The following GPATCH1 variants were observed in gnomAD, a reference collection of about 807,000 sequenced individuals.
GPATCH1 encodes the protein G patch domain-containing protein 1.
GPATCH1 carries 73 observed loss-of-function variants against 114.9 expected under a neutral mutation model. The ratio of observed to expected loss-of-function variants is 0.64; its 90% CI spans 0.53 to 0.77. The LOEUF (loss-of-function observed/expected upper bound fraction) is 0.77, where lower values mean the gene tolerates loss of function less well. GPATCH1 is among the 30% of genes least tolerant of loss of function. The pLI, the probability that GPATCH1 is intolerant of heterozygous loss-of-function variation, is 0.00. For synonymous variants in GPATCH1, 391 were observed against 428.4 expected (o/e 0.91, Z 1.08); for missense variants, 1,058 against 1,144.3 (o/e 0.92, Z 1.09).
At chr19:33,104,671 C>T (rs1041154838) in intron 9 of GPATCH1, among the ~76,000 whole-genome samples, 1 of 152,104 alleles carries the variant, frequency 6.6e-6, no homozygotes, top group African/African-American at 2.4e-5. Context: ...ATAGTTACAA[C>T]TCCTCAGGCG....
chr19:33,119,144 C>T (rs958212760), intron 17 of GPATCH1, 27 bp downstream of exon 17: 21 of 1,341,762 alleles, frequency 1.6e-5, no homozygotes, highest in African/African-American at 1.2e-4. Context: ...TTGGTTCGCC[C>T]ATTTTTATCA....
At chr19:33,081,484 AG>A (rs375427618) in intron 1 of GPATCH1, among the ~76,000 whole-genome samples, 148 of 152,270 alleles carry the variant, frequency 9.7e-4, no homozygotes, top group African/African-American at 3.4e-3. Context: ...TGGCCGAACA[AG>A]GGGGCGGCGA....
intron 3 of GPATCH1, 35 bp from the exon 4 acceptor site, chr19:33,093,324 C>G: frequency 6.7e-7 from 1 of 1,483,090 alleles, no homozygotes; most frequent in Non-Finnish European, 9.4e-7. Context: ...TAGTCACTTT[C>G]CAAATAATGT....
chr19:33,090,696 AAG>A (rs1002621830), intron 2 of GPATCH1, 82 bp from the exon 3 acceptor site: 1 of 793,640 alleles, frequency 1.3e-6, no homozygotes, highest in Admixed American at 2.0e-5. Flanking sequence ...TGGGAATTTC[AAG>A]TCCATACATG....
At chr19:33,125,022 A>T in intron 17 of GPATCH1, 83 bp from the exon 18 acceptor site, 1 of 1,439,480 alleles carries the variant, frequency 6.9e-7, no homozygotes, top group Non-Finnish European at 9.5e-7. Flanking sequence ...TAGATGCCTG[A>T]TTCAGCAGTT....
Position 33,088,238 on chromosome 19 carries a change from G to A in GPATCH1, c.178G>A (p.Gly60Arg). The change falls in exon 2 of 20, where the codon GGA becomes AGA. Residue 60 changes from glycine to arginine, a missense_variant. Gly to Arg is a moderately radical substitution (Grantham distance 125). This residue lies in a region of GPATCH1 where 131 missense variants were observed against 107.2 expected (regional missense o/e 1.22). Coordinates refer to ENST00000170564, the MANE Select transcript of GPATCH1 (RefSeq NM_018025.3). ...HGAFSGGFSA[G>R]YFNTVGSKEG... ...GGCCTTTAGTGGAGGTTTCTCTGCTGGATACTTCAATACTGTTGGCTCAAA... is the reference window on the plus strand; with the variant it reads ...GGCCTTTAGTGGAGGTTTCTCTGCTAGATACTTCAATACTGTTGGCTCAAA... The A allele has an allele frequency of 1.1e-5, 18 of 1,605,030 alleles. No individual in the cohort carries two copies. The highest frequency in any genetic ancestry group is 1.5e-5 in the Non-Finnish European group (18 of 1,175,204).
At chr19:33,093,262 A>C (rs1972616820) in intron 3 of GPATCH1, 97 bp from the exon 4 acceptor site, 2 of 707,838 alleles carry the variant, frequency 2.8e-6, no homozygotes, top group Admixed American at 6.1e-5. Context: ...TAAATTTTGT[A>C]GTTTTAACTT....
chr19:33,102,306 G>A (rs564316526), intron 9 of GPATCH1, among the ~76,000 whole-genome samples: 13 of 152,088 alleles, frequency 8.5e-5, no homozygotes, highest in African/African-American at 2.9e-4. Flanking sequence ...TTGCACTCCA[G>A]CTTGGGCGAC....
intron 1 of GPATCH1, among the ~76,000 whole-genome samples, chr19:33,085,811 C>T (rs1005304395): frequency 6.6e-6 from 1 of 152,192 alleles, no homozygotes; most frequent in Non-Finnish European, 1.5e-5. Context: ...TGGAGTTGTT[C>T]CGTCACTGGT....
At chr19:33,124,696 C>T (rs906495689) in intron 17 of GPATCH1, among the ~76,000 whole-genome samples, 11 of 152,022 alleles carry the variant, frequency 7.2e-5, no homozygotes, top group Admixed American at 2.0e-4. Flanking sequence ...GGAAACTGGG[C>T]GTGGGAGAGG....
chr19:33,094,289 A>AACAT lies in GPATCH1; in HGVS notation c.553+22_553+23insATAC. On this transcript the variant is annotated intron_variant, in intron 5 of 19. Transcript: ENST00000170564. ...AACCTGGTGTGTATGTTAATTGATT[A>AACAT]ACTGTTATCACTGCTGCAGCGTACT... 1 of 1,291,680 alleles carries AACAT rather than the reference A, an allele frequency of 7.7e-7. No individual in the cohort carries two copies. Among genetic ancestry groups the AACAT allele is most frequent in the Non-Finnish European group, 1.1e-6 (1 of 888,462 alleles). 80.0% of individuals were successfully genotyped at this position (1,291,680 alleles called of 1,614,324 possible).
chr19:33,114,019 T>C, intron 14 of GPATCH1, 116 bp downstream of exon 14: 2 of 933,386 alleles, frequency 2.1e-6, no homozygotes, highest in South Asian at 3.2e-5. Context: ...ATATTCTCCC[T>C]CCATTGAGGG....
chr19:33,123,120 C>T (rs1330052947), intron 17 of GPATCH1, among the ~76,000 whole-genome samples: 1 of 146,608 alleles, frequency 6.8e-6, no homozygotes, highest in African/African-American at 2.5e-5. Context: ...AAATAAATAG[C>T]TGGGCACGGT....
Position 33,109,772 on chromosome 19 carries a change from A to C in GPATCH1, c.1341A>C (p.Lys447Asn). 1 of 1,600,122 alleles carries C rather than the reference A, an allele frequency of 6.2e-7. No homozygotes were observed. The highest frequency in any genetic ancestry group is 8.5e-7 in the Non-Finnish European group (1 of 1,174,030). Residue 447 changes from lysine to asparagine, a missense_variant, in exon 11 of 20, where the codon AAA (lysine) becomes AAC (asparagine). Transcript: ENST00000170564. ...FLSQKDKERI[K>N]EMKQATDLKA... The stretch of plus-strand genomic sequence containing the variant: ...CCCAAAAAGACAAAGAGAGAATCAA[A>C]GAAATGAAGCAGGCAACTGACCTGA...
chr19:33,110,144 C>A, intron 11 of GPATCH1, 128 bp downstream of exon 11: 1 of 770,576 alleles, frequency 1.3e-6, no homozygotes, highest in Non-Finnish European at 2.0e-6. Flanking sequence ...TATCCTGCTG[C>A]AAATAGTGCA....
intron 5 of GPATCH1, among the ~76,000 whole-genome samples, chr19:33,094,689 TCC>T: frequency 6.6e-6 from 1 of 152,236 alleles, no homozygotes; most frequent in East Asian, 1.9e-4. Context: ...TTTCCTACCC[TCC>T]CCCAAGCTGT....
chr19:33,126,006 G>A (rs1973036693), intron 18 of GPATCH1, among the ~76,000 whole-genome samples: 1 of 152,186 alleles, frequency 6.6e-6, no homozygotes, highest in African/African-American at 2.4e-5. Flanking sequence ...ACCCAAAGTA[G>A]TCTGGGCTAG....
intron 3 of GPATCH1, among the ~76,000 whole-genome samples, chr19:33,092,193 C>T (rs890064980): frequency 1.2e-4 from 18 of 151,970 alleles, no homozygotes; most frequent in South Asian, 4.2e-4. Context: ...GGATTACAGG[C>T]GTGTGCACCA....
Position 33,097,922 on chromosome 19 carries a change from C to T in GPATCH1, c.1000+20C>T, listed in dbSNP as rs1185010113. On this transcript the variant is annotated intron_variant, in intron 8 of 19. Transcript: ENST00000170564. Reference sequence around the variant, plus strand: ...AGAAAGGTAATTCGACAGCCACAAACCTAATGGCAGGACCAAGTGTCAGGG... The same window carrying T: ...AGAAAGGTAATTCGACAGCCACAAATCTAATGGCAGGACCAAGTGTCAGGG... 6.2e-7 allele frequency: 1 copy of T among 1,611,760 alleles called. No individual in the cohort carries two copies. Among genetic ancestry groups the T allele is most frequent in the East Asian group, 2.2e-5 (1 of 44,872 alleles).
Sources: gnomAD v4.1 joint callset for allele counts (sites outside exome capture counted in the v4.1 genomes callset) on GRCh38, gnomAD v4.1.1 for gene constraint, gnomAD v4.1.1 regional missense constraint, MANE v1.5 for transcripts, NCBI Gene and HGNC (gene_info 2026-07-23, HGNC 2026-07-21) for gene names.